ERCC6L2: variants seen among roughly 807,000 people sequenced by gnomAD.
ERCC6L2 encodes the protein ERCC excision repair 6 like 2.
A neutral mutation model predicts 132.0 loss-of-function variants in ERCC6L2; 77 were observed. That is an observed-to-expected ratio of 0.58 (90% CI 0.49 to 0.71). The LOEUF is 0.71. Among genes scored for constraint, ERCC6L2 ranks in the 30% least tolerant of loss-of-function variants. The pLI is 0.00. For synonymous variants in ERCC6L2, 583 were observed against 632.4 expected (o/e 0.92, Z 1.17); for missense variants, 1,542 against 1,837.6 (o/e 0.84, Z 2.94).
At position 95,971,927 on chromosome 9, in the gene ERCC6L2, C is replaced by T; in HGVS notation, c.2182-6C>T. On this transcript the variant is annotated splice_polypyrimidine_tract_variant and splice_region_variant and intron_variant, in intron 15 of 18. Transcript: ENST00000653738. ...TCTGATGTTTTTGTCATTGTTTCTC[C>T]TATAGCCTAGACAGCCTGACTGTCA... 3 of 1,276,004 alleles carry T rather than the reference C, an allele frequency of 2.4e-6. No individual in the cohort carries two copies. Among genetic ancestry groups the T allele is most frequent in the Non-Finnish European group, 2.1e-6 (2 of 974,316 alleles). 79.0% of individuals were successfully genotyped at this position (1,276,004 alleles called of 1,614,324 possible).
At chr9:95,918,175 G>T in intron 6 of ERCC6L2, 1 of 474,290 alleles carries the variant, frequency 2.1e-6, no homozygotes, top group Non-Finnish European at 4.2e-6. Flanking sequence ...GGCTAAAGGA[G>T]CAGAGGAAAT....
At chr9:95,900,409 A>T (rs1828711439) in intron 3 of ERCC6L2, among the ~76,000 whole-genome samples, 1 of 151,862 alleles carries the variant, frequency 6.6e-6, no homozygotes, top group African/African-American at 2.4e-5. Flanking sequence ...AGTTCCTTTC[A>T]GTACTCCTTT....
At chr9:96,020,757 CTG>C (rs751138994), downstream of ERCC6L2, 22 of 456,620 alleles carry the variant, frequency 4.8e-5, 1 homozygote, top group African/African-American at 3.6e-4. Context: ...CACTTCCAAA[CTG>C]TGGGGATGGG....
chr9:96,009,142 G>A (rs1159957319), intron 18 of ERCC6L2, among the ~76,000 whole-genome samples: 1 of 152,234 alleles, frequency 6.6e-6, no homozygotes, highest in Non-Finnish European at 1.5e-5. Context: ...TGGTCGGGGA[G>A]TTTGCTTTTG....
chr9:95,978,591 T>A (rs1424699497), intron 17 of ERCC6L2, among the ~76,000 whole-genome samples: 3 of 152,214 alleles, frequency 2.0e-5, no homozygotes, highest in Admixed American at 2.0e-4. Flanking sequence ...TCACCTAAAA[T>A]GAAGACCAAC....
intron 18 of ERCC6L2, 189 bp downstream of exon 18, chr9:96,004,890 C>A: frequency 2.9e-6 from 1 of 341,606 alleles, no homozygotes; most frequent in Admixed American, 4.2e-5. Context: ...GAATTGATTA[C>A]CATAAAAAGG....
At position 95,966,564 on chromosome 9, in the gene ERCC6L2, A is replaced by G. The variant is rs756890431; in HGVS notation, c.1950A>G (p.Gln650=). Residue 650 remains glutamine (Q), a splice_region_variant and synonymous_variant, in exon 14 of 19, where the codon CAA becomes CAG. Coordinates refer to ENST00000653738, the MANE Select transcript of ERCC6L2 (RefSeq NM_020207.7). The part of the protein sequence containing the change: ...IMYLRQIYKQ[Q]LHCVVVGSEN... ...GTCTTGTGTTTTTTCTGTTTTAGCAACTTCACTGTGTGGTGGTTGGAAGTG... is the reference window on the plus strand; with the variant it reads ...GTCTTGTGTTTTTTCTGTTTTAGCAGCTTCACTGTGTGGTGGTTGGAAGTG... 4.8e-6 allele frequency: 7 copies of G among 1,469,426 alleles called. No homozygotes were observed. The highest frequency in any genetic ancestry group is 3.0e-5 in the South Asian group (2 of 66,068). 91.0% of individuals were successfully genotyped at this position (1,469,426 alleles called of 1,614,324 possible).
At chr9:95,900,889 A>G (rs1828739881) in intron 3 of ERCC6L2, among the ~76,000 whole-genome samples, 1 of 152,122 alleles carries the variant, frequency 6.6e-6, no homozygotes, top group Non-Finnish European at 1.5e-5. Context: ...TTGTGTTCAT[A>G]CCAACTTTTT....
At chr9:95,911,562 G>A (rs532202937) in intron 4 of ERCC6L2, among the ~76,000 whole-genome samples, 79 of 152,006 alleles carry the variant, frequency 5.2e-4, no homozygotes, top group African/African-American at 1.9e-3. Context: ...GAATTTATTT[G>A]TTCAAATGCC....
rs1832431984 is a variant in ERCC6L2 at position 95,971,942 on chromosome 9, CCTGA to C, written c.2195_2198del (p.Asp732ValfsTer36). On this transcript the variant is annotated frameshift_variant, in exon 16 of 19. Coordinates refer to ENST00000653738, the MANE Select transcript of ERCC6L2 (RefSeq NM_020207.7). LOFTEE classifies it high-confidence loss of function. ...ATTGTTTCTCCTATAGCCTAGACAG[CCTGA>C]CTGTCAGGAATGCAGAGGTACAGAA... 1 of 1,297,064 alleles carries C rather than the reference CCTGA, an allele frequency of 7.7e-7. No homozygotes were observed. The highest frequency in any genetic ancestry group is 1.5e-5 in the African/African-American group (1 of 65,586). 80.3% of individuals were successfully genotyped at this position (1,297,064 alleles called of 1,614,324 possible). A position where few individuals can be genotyped will look rare whatever the true frequency, so the allele number is the denominator to read the frequency against.
intron 2 of ERCC6L2, among the ~76,000 whole-genome samples, chr9:95,894,432 T>C (rs1361266009): frequency 6.6e-6 from 1 of 152,166 alleles, no homozygotes; most frequent in Non-Finnish European, 1.5e-5. Context: ...GTGAGTTGTT[T>C]GAACTCTGTT....
At position 96,000,334 on chromosome 9, in the gene ERCC6L2, C is replaced by T. The variant is rs183777291; in HGVS notation, c.3493-4186C>T. ...GAACATGTCAGTTTTCCTTAGAAATCGTTTGTTACTAAAGAACATACTCTT... is the reference window on the plus strand; with the variant it reads ...GAACATGTCAGTTTTCCTTAGAAATTGTTTGTTACTAAAGAACATACTCTT... On this transcript the variant is annotated intron_variant, in intron 17 of 18. Coordinates refer to ENST00000653738, the MANE Select transcript of ERCC6L2 (RefSeq NM_020207.7). Among the ~76,000 whole-genome samples, 159 of 152,214 alleles carry T rather than the reference C, an allele frequency of 1.0e-3. 1 individual carries two copies. Among genetic ancestry groups the T allele is most frequent in the Non-Finnish European group, 4.7e-4 (32 of 68,004 alleles).
intron 5 of ERCC6L2, 91 bp from the exon 6 acceptor site, chr9:95,916,136 T>A: frequency 8.5e-7 from 1 of 1,174,188 alleles, no homozygotes; most frequent in Non-Finnish European, 1.2e-6. Context: ...TTACCGTTGA[T>A]AATCAAGTAA....
intron 18 of ERCC6L2, among the ~76,000 whole-genome samples, chr9:96,007,940 C>A (rs1454738249): frequency 6.6e-6 from 1 of 152,104 alleles, no homozygotes; most frequent in African/African-American, 2.4e-5. Flanking sequence ...CTCAGCTGCC[C>A]AGGGAAGAGC....
intron 4 of ERCC6L2, among the ~76,000 whole-genome samples, chr9:95,913,988 T>G (rs1424514655): frequency 6.6e-6 from 1 of 152,198 alleles, no homozygotes; most frequent in Non-Finnish European, 1.5e-5. Flanking sequence ...GCACCTAAGT[T>G]TTCATTTTTC....
chr9:96,002,367 A>G (rs570897638), intron 17 of ERCC6L2, among the ~76,000 whole-genome samples: 25 of 148,240 alleles, frequency 1.7e-4, no homozygotes, highest in African/African-American at 5.7e-4. Context: ...AAGATATCCC[A>G]TTTTCTTTTG....
intron 18 of ERCC6L2, among the ~76,000 whole-genome samples, chr9:96,007,782 T>C (rs1235930472): frequency 6.6e-6 from 1 of 151,952 alleles, no homozygotes; most frequent in Non-Finnish European, 1.5e-5. Context: ...TAGGAGGAGA[T>C]GAGAGGCCAG....
At chr9:96,003,689 T>G (rs1231462360) in intron 17 of ERCC6L2, among the ~76,000 whole-genome samples, 1 of 152,254 alleles carries the variant, frequency 6.6e-6, no homozygotes, top group African/African-American at 2.4e-5. Context: ...CCTACCCTAC[T>G]AGGGCTGCTG....
intron 3 of ERCC6L2, among the ~76,000 whole-genome samples, chr9:95,902,488 C>T (rs981394421): frequency 6.6e-6 from 1 of 151,900 alleles, no homozygotes; most frequent in Non-Finnish European, 1.5e-5. Flanking sequence ...TTTTTTAGTT[C>T]TTCATATGTA....
Sources: allele counts gnomAD v4.1 joint callset (sites outside exome capture counted in the v4.1 genomes callset), GRCh38; gene constraint gnomAD v4.1.1; transcripts MANE v1.5; gene names NCBI Gene and HGNC (gene_info 2026-07-23, HGNC 2026-07-21).